PRPF3: variants seen among roughly 807,000 people sequenced by gnomAD.
PRPF3 encodes the protein pre-mRNA processing factor 3.
A neutral mutation model predicts 89.2 loss-of-function variants in PRPF3; 3 were observed. That is an observed-to-expected ratio of 0.03 (90% CI 0.02 to 0.09). The LOEUF (loss-of-function observed/expected upper bound fraction) is 0.09, where lower values mean the gene tolerates loss of function less well. Ranked by LOEUF, PRPF3 falls within the 10% of genes least tolerant of loss-of-function variation. PRPF3 has a pLI of 1.00. For synonymous variants in PRPF3, 270 were observed against 289.1 expected, an observed-to-expected ratio of 0.93 and a Z score of 0.67; for missense variants, 463 against 828.8, an observed-to-expected ratio of 0.56 and a Z score of 5.42.
intron 7 of PRPF3, among the ~76,000 whole-genome samples, chr1:150,336,861 A>G (rs1161700583): frequency 6.6e-5 from 10 of 151,898 alleles, no homozygotes; most frequent in Non-Finnish European, 1.3e-4. Flanking sequence ...ATTGAGTTTG[A>G]AAATTCTCCA....
intron 2 of PRPF3, among the ~76,000 whole-genome samples, chr1:150,325,465 T>C (rs1283340398): frequency 1.3e-5 from 2 of 152,186 alleles, no homozygotes; most frequent in Non-Finnish European, 2.9e-5. Context: ...GGTAGGCTTC[T>C]ACAACTTGCT....
intron 10 of PRPF3, among the ~76,000 whole-genome samples, chr1:150,343,836 A>G (rs1415136797): frequency 1.3e-5 from 2 of 152,216 alleles, no homozygotes; most frequent in African/African-American, 4.8e-5. Flanking sequence ...CTCGTTCAGC[A>G]GTATTTTGAC....
At chr1:150,345,712 T>C (rs1658212978) in intron 12 of PRPF3, 2 of 377,830 alleles carry the variant, frequency 5.3e-6, no homozygotes, top group Admixed American at 7.5e-5. Context: ...GTCTTTACAT[T>C]GTCAAGAACA....
In PRPF3 at chr1:150,325,897, C is replaced by T; in HGVS notation, c.276+16C>T. On this transcript the variant is annotated intron_variant, in intron 3 of 15. Coordinates refer to ENST00000324862, the MANE Select transcript of PRPF3 (RefSeq NM_004698.4). Reference sequence around the variant, plus strand: ...AGAGCTAAAGGTAGGTTACAATTTACTGTCTAATGAGCTCAGGACTGTTTT... The same window carrying T: ...AGAGCTAAAGGTAGGTTACAATTTATTGTCTAATGAGCTCAGGACTGTTTT... 2 of 1,610,840 alleles carry T rather than the reference C, an allele frequency of 1.2e-6. No individual in the cohort carries two copies. Among genetic ancestry groups the T allele is most frequent in the Non-Finnish European group, 1.7e-6 (2 of 1,177,800 alleles).
rs35415059 is a variant in PRPF3 at position 150,350,205 on chromosome 1, CTT to C, written c.1905+1001_1905+1002del. Among the ~76,000 whole-genome samples, 411 of 132,218 alleles carry C rather than the reference CTT, an allele frequency of 3.1e-3. 1 individual carries two copies. Among genetic ancestry groups the C allele is most frequent in the African/African-American group, 7.9e-3 (275 of 34,878 alleles). The allele number at this position is 132,218 out of a possible 152,430, so 86.7% of individuals were successfully genotyped here. On this transcript the variant is annotated intron_variant, in intron 15 of 15. Transcript: ENST00000324862. ...GCCACTGTGCCCAGCCCCTCCATTT[CTT>C]TTTTTTTTTTTTTGAGAGAGTTTTG...
chr1:150,344,602 A>G, intron 12 of PRPF3, 55 bp downstream of exon 12: 2 of 1,576,216 alleles, frequency 1.3e-6, no homozygotes, highest in Non-Finnish European at 1.7e-6. Context: ...ACATTTTCCA[A>G]GTGCTTGAGG....
intron 15 of PRPF3, among the ~76,000 whole-genome samples, chr1:150,350,548 AAGCG>A (rs1402247083): frequency 1.3e-5 from 2 of 152,306 alleles, no homozygotes; most frequent in Non-Finnish European, 2.9e-5. Flanking sequence ...TGTGCTGCTG[AAGCG>A]AGCAGTAAAA....
At chr1:150,332,927 G>A in intron 5 of PRPF3, 52 bp from the exon 6 acceptor site, 1 of 1,550,318 alleles carries the variant, frequency 6.5e-7, no homozygotes. Context: ...GTATGTATGT[G>A]TGTTTGTCTG....
rs1467846345 is a variant in PRPF3 at position 150,338,495 on chromosome 1, G to GTATT, written c.1202+170_1202+171insATTT. ...GATAAGTAACTGTACACAAGGTCCT[G>GTATT]TTATTTTTTTTTTTTTTTTTTTTGA... On this transcript the variant is annotated intron_variant, in intron 8 of 15. Transcript: ENST00000324862. 7.0e-4 allele frequency among the ~76,000 whole-genome samples: 25 copies of GTATT among 35,752 alleles called. 11 individuals are homozygous for GTATT. Among genetic ancestry groups the GTATT allele is most frequent in the Non-Finnish European group, 5.2e-4 (9 of 17,262 alleles). 23.5% of individuals were successfully genotyped at this position (35,752 alleles called of 152,430 possible). A position where few individuals can be genotyped will look rare whatever the true frequency, so the allele number is the denominator to read the frequency against.
At position 150,344,446 on chromosome 1, in the gene PRPF3, G is replaced by A. The variant is rs782715866; in HGVS notation, c.1539G>A (p.Glu513=). 3 of 1,614,142 alleles carry A rather than the reference G, an allele frequency of 1.9e-6. No homozygotes were observed. The highest frequency in any genetic ancestry group is 1.6e-4 in the Middle Eastern group (1 of 6,062). The change falls in exon 12 of 16, where the codon GAG becomes GAA. Residue 513 remains glutamate, a synonymous_variant. Coordinates refer to ENST00000324862, the MANE Select transcript of PRPF3 (RefSeq NM_004698.4). ...QMAKRQKAHE[E]ANAARKLTAE... is the part of the protein sequence containing the mutation. ...CCTGTCACGACAGAGCGCATGAAGA[G>A]GCCAACGCTGCCCGAAAACTCACAG...
At chr1:150,345,153 A>C (rs965751886) in intron 12 of PRPF3, among the ~76,000 whole-genome samples, 6 of 152,078 alleles carry the variant, frequency 3.9e-5, no homozygotes, top group African/African-American at 1.4e-4. Context: ...GTGGTACATT[A>C]TCACAAAAAT....
chr1:150,340,612 C>T, intron 9 of PRPF3, 135 bp downstream of exon 9: 1 of 737,850 alleles, frequency 1.4e-6, no homozygotes, highest in Non-Finnish European at 2.4e-6. Flanking sequence ...TTTTTTAATT[C>T]AGTTTTTTTC....
intron 12 of PRPF3, 27 bp downstream of exon 12, chr1:150,344,574 C>A (rs947727099): frequency 5.6e-6 from 9 of 1,610,136 alleles, no homozygotes; most frequent in Middle Eastern, 1.7e-4. Flanking sequence ...GGCCAAACTT[C>A]CCCTTAGAAT....
intron 4 of PRPF3, among the ~76,000 whole-genome samples, chr1:150,332,350 G>A (rs1656508866): frequency 6.6e-6 from 1 of 152,190 alleles, no homozygotes; most frequent in Admixed American, 6.5e-5. Context: ...TAGACACTTA[G>A]GAGGTTTAGA....
In PRPF3 at chr1:150,353,151, C is replaced by T; in HGVS notation, c.*172C>T. The T allele has an allele frequency of 1.3e-6, 1 of 759,502 alleles. No individual in the cohort carries two copies. The highest frequency in any genetic ancestry group is 1.6e-5 in the South Asian group (1 of 64,004). 47.0% of individuals were successfully genotyped at this position (759,502 alleles called of 1,614,324 possible). On this transcript the variant is annotated 3_prime_UTR_variant, in exon 16 of 16. Transcript: ENST00000324862. ...CCCTCCTGAGTCAGCCTGGTGTTGC[C>T]CTTTATTCCCCTTATGTGCATATGA...
At chr1:150,340,073 G>A (rs114174379) in intron 8 of PRPF3, among the ~76,000 whole-genome samples, 2,386 of 152,086 alleles carry the variant, frequency 0.016, 59 homozygotes, top group African/African-American at 0.049. Context: ...TTAGCCTTTC[G>A]TTGCCCCTTC....
intron 1 of PRPF3, among the ~76,000 whole-genome samples, chr1:150,323,564 G>A (rs1655343193): frequency 6.6e-6 from 1 of 151,352 alleles, no homozygotes; most frequent in Non-Finnish European, 1.5e-5. Context: ...GAACCCAGGA[G>A]ATGGAGGTTG....
chr1:150,335,706 C>A (rs587723367), intron 7 of PRPF3, among the ~76,000 whole-genome samples: 1 of 151,978 alleles, frequency 6.6e-6, no homozygotes, highest in South Asian at 2.1e-4. Flanking sequence ...CTCAGGTGAT[C>A]TGCCCACTTT....
At chr1:150,322,040 C>T (rs1453867910) in intron 1 of PRPF3, among the ~76,000 whole-genome samples, 2 of 152,098 alleles carry the variant, frequency 1.3e-5, no homozygotes, top group African/African-American at 4.8e-5. Context: ...ACCCCCGCAC[C>T]TCGCAGTTAT....
Sources: allele counts gnomAD v4.1 joint callset (sites outside exome capture counted in the v4.1 genomes callset), GRCh38; gene constraint gnomAD v4.1.1; transcripts MANE v1.5; gene names NCBI Gene and HGNC (gene_info 2026-07-23, HGNC 2026-07-21).